Variants in CFAP20DC observed in about 807,000 individuals in gnomAD.
CFAP20DC encodes CFAP20 domain containing, also known as protein CFAP20DC.
Under a neutral mutation model 101.7 loss-of-function variants are expected in CFAP20DC, and 84 were observed. The observed-to-expected ratio is 0.83, with a 90% CI of 0.69 to 0.99. The LOEUF is 0.99. Among genes scored for constraint, CFAP20DC ranks in the 50% least tolerant of loss-of-function variants. The pLI, the probability that CFAP20DC is intolerant of heterozygous loss-of-function variation, is 0.00. For missense variants in CFAP20DC, 1,007 were observed against 970.3 expected (o/e 1.04, Z -0.50); for synonymous variants, 359 against 351.2 (o/e 1.02, Z -0.25).
At position 59,049,597 on chromosome 3, in the gene CFAP20DC, C is replaced by T; in HGVS notation, c.21+14G>A. 1 of 1,535,932 alleles carries T rather than the reference C, an allele frequency of 6.5e-7. No individual in the cohort carries two copies. The highest frequency in any genetic ancestry group is 8.7e-7 in the Non-Finnish European group (1 of 1,146,702). Reference sequence around the variant, plus strand: ...AGAAAGGTATAGACAGGTTGGAGAACCGTTTCGGGTTACCTGGTACTCATT... The same window carrying T: ...AGAAAGGTATAGACAGGTTGGAGAATCGTTTCGGGTTACCTGGTACTCATT... On this transcript the variant is annotated intron_variant, in intron 1 of 16. Transcript: ENST00000482387.
In CFAP20DC at chr3:58,788,969, T is replaced by C. The variant is rs1559591917; in HGVS notation, c.2237+17426A>G. 2.0e-5 allele frequency among the ~76,000 whole-genome samples: 3 copies of C among 152,158 alleles called. No homozygotes were observed. Among genetic ancestry groups the C allele is most frequent in the African/African-American group, 7.2e-5 (3 of 41,432 alleles). ...TGGAAAAAATCTGTGTCATAATTTG[T>C]AAGGGAACCCATATAGTTCAAACCC... On this transcript the variant is annotated intron_variant, in intron 15 of 16. Transcript: ENST00000482387. The surrounding 1 kb of genome is among the most constrained non-coding windows in gnomAD (Gnocchi z 4.2).
chr3:58,937,514 G>A, intron 5 of CFAP20DC, 134 bp downstream of exon 5: 1 of 635,412 alleles, frequency 1.6e-6, no homozygotes, highest in South Asian at 2.2e-5. Flanking sequence ...GAGAGGGGAA[G>A]GAAGGCCATG....
intron 13 of CFAP20DC, among the ~76,000 whole-genome samples, chr3:58,845,445 C>G (rs1363869473): frequency 6.6e-6 from 1 of 151,292 alleles, no homozygotes; most frequent in Non-Finnish European, 1.5e-5. Context: ...CACATACACT[C>G]TCCCAAGACT....
chr3:58,843,646 T>A (rs1167678439), intron 13 of CFAP20DC, among the ~76,000 whole-genome samples: 1 of 151,472 alleles, frequency 6.6e-6, no homozygotes, highest in Non-Finnish European at 1.5e-5. Flanking sequence ...ACGTTCAGAT[T>A]CAGGAAATAC....
chr3:58,961,218 A>G (rs1158257267), intron 4 of CFAP20DC, among the ~76,000 whole-genome samples: 1 of 152,128 alleles, frequency 6.6e-6, no homozygotes, highest in East Asian at 1.9e-4. Context: ...TGATGTCTTC[A>G]TTGTCTTTGG....
intron 4 of CFAP20DC, among the ~76,000 whole-genome samples, chr3:59,036,382 GCATATTTAGAAAACCC>G (rs2094103853): frequency 6.6e-6 from 1 of 152,118 alleles, no homozygotes; most frequent in Non-Finnish European, 1.5e-5. Flanking sequence ...TGACATGATT[GCATATTTAGAAAACCC>G]CATCGTCTCA....
intron 4 of CFAP20DC, among the ~76,000 whole-genome samples, chr3:58,955,216 C>G (rs574103121): frequency 6.6e-6 from 1 of 152,236 alleles, no homozygotes; most frequent in South Asian, 2.1e-4. Context: ...AATTTAACAA[C>G]TATACACAGA....
chr3:58,725,689 G>T (rs1191466444), intron 3 of CFAP20DC, among the ~76,000 whole-genome samples: 1 of 152,176 alleles, frequency 6.6e-6, no homozygotes, highest in African/African-American at 2.4e-5. Context: ...GTGTGGAGGT[G>T]GAGTAAAGGC....
intron 4 of CFAP20DC, among the ~76,000 whole-genome samples, chr3:58,940,998 A>G (rs983764422): frequency 7.9e-5 from 12 of 152,090 alleles, no homozygotes; most frequent in African/African-American, 2.9e-4. Context: ...ATTCCTAAGT[A>G]TTTTGTCTTC....
intron 4 of CFAP20DC, among the ~76,000 whole-genome samples, chr3:58,976,588 T>C (rs1422213378): frequency 1.3e-5 from 2 of 152,230 alleles, no homozygotes; most frequent in African/African-American, 2.4e-5. Context: ...CAAGTCATTG[T>C]CAAAGCATCA....
intron 15 of CFAP20DC, among the ~76,000 whole-genome samples, chr3:58,766,921 T>A (rs1483574362): frequency 6.6e-6 from 1 of 152,200 alleles, no homozygotes; most frequent in African/African-American, 2.4e-5. Flanking sequence ...TTCGCTGACA[T>A]CCCCTCTTCA....
chr3:58,936,961 A>AG (rs1356858623), intron 5 of CFAP20DC, among the ~76,000 whole-genome samples: 1 of 151,942 alleles, frequency 6.6e-6, no homozygotes, highest in East Asian at 1.9e-4. Flanking sequence ...TAAGCCAAAA[A>AG]AAAAAAAGAG....
chr3:58,764,819 C>G (rs1227198055), intron 15 of CFAP20DC, among the ~76,000 whole-genome samples: 1 of 152,112 alleles, frequency 6.6e-6, no homozygotes, highest in African/African-American at 2.4e-5. Flanking sequence ...CTTGAGGACT[C>G]AGGTATGTCT....
Position 58,863,846 on chromosome 3 carries a change from T to C in CFAP20DC, c.1305A>G (p.Ala435=), listed in dbSNP as rs1477902571. ...PENADHISYL[A]SSRQSLLLGD... ...CCAGAAGTAGAGACTGTCTGCTGGA[T>C]GCCAGATATGAAATGTGATCAGCAT... Residue 435 remains alanine (A), a synonymous_variant, in exon 12 of 17, where the codon GCA becomes GCG. Transcript: ENST00000482387. This position sits in a 1 kb window ranked among gnomAD's most constrained non-coding sequence, Gnocchi z 5.9. 2 of 1,614,064 alleles carry C rather than the reference T, an allele frequency of 1.2e-6. No homozygotes were observed. The highest frequency in any genetic ancestry group is 1.1e-5 in the South Asian group (1 of 91,048).
chr3:58,846,170 G>C (rs199806143), intron 13 of CFAP20DC, among the ~76,000 whole-genome samples: 21,695 of 140,574 alleles, frequency 0.15, 2,688 homozygotes, highest in African/African-American at 0.37. Flanking sequence ...CCAGGGCAAT[G>C]AGGCAGGAGA....
At chr3:58,926,837 T>C (rs1300620176) in intron 5 of CFAP20DC, among the ~76,000 whole-genome samples, 3 of 152,226 alleles carry the variant, frequency 2.0e-5, no homozygotes, top group African/African-American at 7.2e-5. Context: ...TCTGGCATTG[T>C]AATTTATCAT....
chr3:58,852,381 T>A (rs1413614180), intron 12 of CFAP20DC, among the ~76,000 whole-genome samples: 1 of 151,696 alleles, frequency 6.6e-6, no homozygotes, highest in East Asian at 1.9e-4. Context: ...CTCCCACACA[T>A]TAATAATGAG....
intron 14 of CFAP20DC, among the ~76,000 whole-genome samples, chr3:58,814,867 C>G (rs895554913): frequency 4.0e-5 from 6 of 150,042 alleles, no homozygotes; most frequent in African/African-American, 1.2e-4. Flanking sequence ...AGGATACAAA[C>G]AAATGGAAGA....
chr3:59,031,237 C>T (rs142633393), intron 4 of CFAP20DC, among the ~76,000 whole-genome samples: 67 of 152,198 alleles, frequency 4.4e-4, no homozygotes, highest in Admixed American at 3.3e-4. Flanking sequence ...GAGGGCTCAT[C>T]GGCAAAAGAT....
Sources: allele counts gnomAD v4.1 joint callset (sites outside exome capture counted in the v4.1 genomes callset), GRCh38; gene constraint gnomAD v4.1.1; non-coding constraint Gnocchi (gnomAD v3.1); transcripts MANE v1.5; gene names NCBI Gene and HGNC (gene_info 2026-07-23, HGNC 2026-07-21).